RNF149: variants seen among roughly 807,000 people sequenced by gnomAD.
RNF149 encodes ring finger protein 149, also known as E3 ubiquitin-protein ligase RNF149.
A neutral mutation model predicts 39.0 loss-of-function variants in RNF149; 21 were observed. That is an observed-to-expected ratio of 0.54 (90% CI 0.38 to 0.77). The LOEUF (loss-of-function observed/expected upper bound fraction) is 0.77. Among genes scored for constraint, RNF149 ranks in the 30% least tolerant of loss-of-function variants. The probability of loss-of-function intolerance (pLI) is 0.00; values close to 1 mark genes in which losing one functional copy is unlikely to be tolerated. For synonymous variants in RNF149, 209 were observed against 213.6 expected, an observed-to-expected ratio of 0.98 and a Z score of 0.19; for missense variants, 493 against 534.9, an observed-to-expected ratio of 0.92 and a Z score of 0.77.
At chr2:101,296,436 A>T (rs1683238028) in intron 1 of RNF149, among the ~76,000 whole-genome samples, 1 of 152,210 alleles carries the variant, frequency 6.6e-6, no homozygotes, top group Non-Finnish European at 1.5e-5. Context: ...TGATCAGAAC[A>T]ATGTTTTAAA....
At chr2:101,306,660 T>C (rs963683956) in intron 1 of RNF149, among the ~76,000 whole-genome samples, 1 of 152,166 alleles carries the variant, frequency 6.6e-6, no homozygotes. Flanking sequence ...CTACCAACTC[T>C]GTCCCACCAA....
In RNF149 at chr2:101,285,358, G is replaced by A. The variant is rs141953090; in HGVS notation, c.960+723C>T. Among the ~76,000 whole-genome samples, 951 of 152,234 alleles carry A rather than the reference G, an allele frequency of 6.2e-3. 4 individuals are homozygous for A. Among genetic ancestry groups the A allele is most frequent in the African/African-American group, 0.022 (908 of 41,520 alleles). On this transcript the variant is annotated intron_variant, in intron 5 of 6. Transcript: ENST00000295317. Reference sequence around the variant, plus strand: ...GTTAAGTGCTTGGACCCTGGAATTAGGCAAACTTTATTTGAAAGATGATTC... The same window carrying A: ...GTTAAGTGCTTGGACCCTGGAATTAAGCAAACTTTATTTGAAAGATGATTC...
Position 101,294,047 on chromosome 2 carries a change from C to A in RNF149, c.747G>T (p.Gln249His). The change falls in exon 3 of 7, where the codon CAG becomes CAT. Residue 249 changes from glutamine to histidine, a missense_variant. Physicochemically the swap from Gln to His is conservative, Grantham distance 24. Coordinates refer to ENST00000295317, the MANE Select transcript of RNF149 (RefSeq NM_173647.4). ...HRKETKKVIG[Q>H]LLLHTVKHGE... is the part of the protein sequence containing the mutation. Reference sequence around the variant, plus strand: ...CATGCTTTACAGTATGAAGTAGAAGCTGGCCAATAACTTTCTTAGTTTCTT... The same window carrying A: ...CATGCTTTACAGTATGAAGTAGAAGATGGCCAATAACTTTCTTAGTTTCTT... 1.3e-6 allele frequency: 2 copies of A among 1,590,364 alleles called. No individual in the cohort carries two copies. The highest frequency in any genetic ancestry group is 1.7e-6 in the Non-Finnish European group (2 of 1,159,560).
rs146877719 is a variant in RNF149, at chr2:101,284,078, G to A, written c.960+2003C>T. On this transcript the variant is annotated intron_variant, in intron 5 of 6. Coordinates refer to ENST00000295317, the MANE Select transcript of RNF149 (RefSeq NM_173647.4). ...ACAGTTTCTGGAGCAAAGAGGGGAT[G>A]AGCCAGGTTCATTAAGAAAGCATGT... 6.3e-3 allele frequency among the ~76,000 whole-genome samples: 953 copies of A among 152,330 alleles called. 4 individuals are homozygous for A. Among genetic ancestry groups the A allele is most frequent in the African/African-American group, 0.022 (910 of 41,578 alleles).
Position 101,308,546 on chromosome 2 carries a change from CGCCGCGA to C in RNF149, c.36_42del (p.Arg13CysfsTer28). 1 of 1,590,350 alleles carries C rather than the reference CGCCGCGA, an allele frequency of 6.3e-7. No individual in the cohort carries two copies. Among genetic ancestry groups the C allele is most frequent in the Non-Finnish European group, 8.5e-7 (1 of 1,172,160 alleles). On this transcript the variant is annotated frameshift_variant, in exon 1 of 7. Coordinates refer to ENST00000295317, the MANE Select transcript of RNF149 (RefSeq NM_173647.4). LOFTEE classifies it high-confidence loss of function. ...AGGGCGAGCAACGCCAGAGCCAACA[CGCCGCGA>C]GCCCCGACGCTGGCTTCGCGCCGCC... is the stretch of plus-strand genomic sequence containing the variant.
rs540431763 is a variant in RNF149 at position 101,308,487 on chromosome 2, A to T, written c.102T>A (p.Ala34=). 1.2e-5 allele frequency: 19 copies of T among 1,610,714 alleles called. No individual in the cohort carries two copies. The East Asian group carries it at 2.0e-4, about 17-fold the overall frequency. Residue 34 remains alanine (A), a synonymous_variant, in exon 1 of 7, where the codon GCT becomes GCA. Coordinates refer to ENST00000295317, the MANE Select transcript of RNF149 (RefSeq NM_173647.4). ...TTACCACGGCCGAGAACCACTCGAG[A>T]GCCCGGCCCCGGGCCCCGGGCACGC... is the stretch of plus-strand genomic sequence containing the variant. ...ALCVPGARGR[A]LEWFSAVVNI...
rs963368004 is a variant in RNF149, at chr2:101,301,738, C to A, written c.460+6391G>T. On this transcript the variant is annotated intron_variant, in intron 1 of 6. Coordinates refer to ENST00000295317, the MANE Select transcript of RNF149 (RefSeq NM_173647.4). ...TCAAATTTCTGTGTTCCTCTTATCA[C>A]CTTGTCAAAATAATAATAAAAGGAA... Among the ~76,000 whole-genome samples the A allele has an allele frequency of 5.3e-5, 8 of 152,074 alleles. No individual in the cohort carries two copies. In the East Asian group the frequency reaches 1.5e-3, roughly 29 times the overall value.
chr2:101,287,037 CG>C, intron 4 of RNF149, among the ~76,000 whole-genome samples: 1 of 152,274 alleles, frequency 6.6e-6, no homozygotes, highest in Non-Finnish European at 1.5e-5. Context: ...TAACAGTACT[CG>C]CGGCCGGGCA....
Position 101,294,944 on chromosome 2 carries a change from T to G in RNF149, c.698A>C (p.Gln233Pro), listed in dbSNP as rs752508131. Reference sequence around the variant, plus strand: ...ATCCATCATTACCTGACTTCCAATCTGAGAGCCAGTATATAGGAAACGCTG... The same window carrying G: ...ATCCATCATTACCTGACTTCCAATCGGAGAGCCAGTATATAGGAAACGCTG... The part of the protein sequence containing the change: ...YIQRFLYTGS[Q>P]IGSQSHRKET... The change falls in exon 2 of 7, where the codon CAG becomes CCG. Residue 233 changes from glutamine to proline, a missense_variant. Coordinates refer to ENST00000295317, the MANE Select transcript of RNF149 (RefSeq NM_173647.4). 1 of 1,610,792 alleles carries G rather than the reference T, an allele frequency of 6.2e-7. No individual in the cohort carries two copies. The highest frequency in any genetic ancestry group is 2.2e-5 in the East Asian group (1 of 44,824).
At position 101,276,334 on chromosome 2, in the gene RNF149, C is replaced by T. The variant is rs369067737; in HGVS notation, c.*904G>A. The stretch of plus-strand genomic sequence containing the variant: ...CAGCAAGCAAGTAAAAAAGAAGAAA[C>T]GGTTAAGCAAGGTCATGGTATTAAA... On this transcript the variant is annotated 3_prime_UTR_variant, in exon 7 of 7. Coordinates refer to ENST00000295317, the MANE Select transcript of RNF149 (RefSeq NM_173647.4). 9 of 985,568 alleles carry T rather than the reference C, an allele frequency of 9.1e-6. No homozygotes were observed. The highest frequency in any genetic ancestry group is 5.2e-4 in the Middle Eastern group (1 of 1,936). The allele number at this position is 985,568 out of a possible 1,614,324, so 61.1% of individuals were successfully genotyped here.
chr2:101,308,467 AC>A lies in RNF149; in HGVS notation c.121del (p.Val41TrpfsTer2). The A allele has an allele frequency of 6.2e-7, 1 of 1,611,198 alleles. No homozygotes were observed. The highest frequency in any genetic ancestry group is 8.5e-7 in the Non-Finnish European group (1 of 1,179,266). ...CGGGTCCACGTACTCGATGTTTACC[AC>A]GGCCGAGAACCACTCGAGAGCCCGG... Reference protein sequence around the residue: ...RGRALEWFSAVVNIEYVDPQT... With the variant: ...RGRALEWFSAXVNIEYVDPQT... On this transcript the variant is annotated frameshift_variant, in exon 1 of 7. Transcript: ENST00000295317. LOFTEE classifies it high-confidence loss of function.
chr2:101,295,436 C>T (rs113147372), intron 1 of RNF149, among the ~76,000 whole-genome samples: 1,885 of 152,004 alleles, frequency 0.012, 43 homozygotes, highest in African/African-American at 0.042. Context: ...CCTAGGCGGG[C>T]GGATCACTAG....
At chr2:101,306,649 C>T (rs1409114499) in intron 1 of RNF149, among the ~76,000 whole-genome samples, 1 of 152,112 alleles carries the variant, frequency 6.6e-6, no homozygotes, top group Non-Finnish European at 1.5e-5. Flanking sequence ...TCAAACACAC[C>T]CTACCAACTC....
At chr2:101,280,462 A>AATTAAGATTT (rs1682538043) in intron 6 of RNF149, among the ~76,000 whole-genome samples, 1 of 152,156 alleles carries the variant, frequency 6.6e-6, no homozygotes, top group Non-Finnish European at 1.5e-5. Context: ...ATTAAGATTT[A>AATTAAGATTT]AATGTAAAAT....
At chr2:101,307,959 T>C in intron 1 of RNF149, 170 bp downstream of exon 1, 1 of 985,400 alleles carries the variant, frequency 1.0e-6, no homozygotes, top group Non-Finnish European at 1.2e-6. Context: ...CCAACAGCGA[T>C]CGGGGAGCCG....
chr2:101,283,785 T>C (rs1030033817), intron 5 of RNF149, among the ~76,000 whole-genome samples: 5 of 152,176 alleles, frequency 3.3e-5, no homozygotes, highest in African/African-American at 1.2e-4. Context: ...ATATGAAATA[T>C]ATATATAGCT....
At chr2:101,282,906 G>A (rs570074046) in intron 5 of RNF149, among the ~76,000 whole-genome samples, 1 of 151,884 alleles carries the variant, frequency 6.6e-6, no homozygotes, top group South Asian at 2.1e-4. Flanking sequence ...CACCAGTAAC[G>A]TAACGCCCTC....
chr2:101,293,585 C>G (rs1394919450), intron 3 of RNF149, among the ~76,000 whole-genome samples: 1 of 152,190 alleles, frequency 6.6e-6, no homozygotes, highest in Non-Finnish European at 1.5e-5. Flanking sequence ...CTTTTCCCCC[C>G]TCCAGAAATG....
At chr2:101,279,301 T>C (rs1443369772) in intron 6 of RNF149, among the ~76,000 whole-genome samples, 1 of 152,216 alleles carries the variant, frequency 6.6e-6, no homozygotes, top group Non-Finnish European at 1.5e-5. Flanking sequence ...ATTTCATGAT[T>C]TCTACCCATG....
Sources: gnomAD v4.1 joint callset for allele counts (sites outside exome capture counted in the v4.1 genomes callset) on GRCh38, gnomAD v4.1.1 for gene constraint, MANE v1.5 for transcripts, NCBI Gene and HGNC (gene_info 2026-07-23, HGNC 2026-07-21) for gene names.